The following B3GNT6 variants were observed in gnomAD, a reference collection of about 807,000 sequenced individuals.
B3GNT6 encodes UDP-GlcNAc:betaGal beta-1,3-N-acetylglucosaminyltransferase 6, also known as acetylgalactosaminyl-O-glycosyl-glycoprotein beta-1,3-N-acetylglucosaminyltransferase.
For missense variants in B3GNT6, 624 were observed against 568.6 expected, an observed-to-expected ratio of 1.10 and a Z score of -0.99; for synonymous variants, 300 against 270.0, an observed-to-expected ratio of 1.11 and a Z score of -1.09.
rs368050760 is a variant in B3GNT6 at position 77,040,472 on chromosome 11, C to A, written c.921C>A (p.Ile307=). Reference sequence around the variant, plus strand: ...CCCGCCACACCCCGCTCTTCCCCATCGACGACGCCTACATGGGCATGTGTC... The same window carrying A: ...CCCGCCACACCCCGCTCTTCCCCATAGACGACGCCTACATGGGCATGTGTC... ...AAARHTPLFP[I]DDAYMGMCLE... Residue 307 remains isoleucine (I), a synonymous_variant, in exon 2 of 2, where the codon ATC becomes ATA. Coordinates refer to ENST00000622824, the MANE Select transcript of B3GNT6 (RefSeq NM_138706.5). 6.5e-6 allele frequency: 10 copies of A among 1,537,112 alleles called. No homozygotes were observed. Among genetic ancestry groups the A allele is most frequent in the East Asian group, 4.9e-5 (2 of 40,896 alleles).
intron 1 of B3GNT6, among the ~76,000 whole-genome samples, chr11:77,038,012 ATATGGGAGG>A (rs1949648357): frequency 6.0e-4 from 1 of 1,660 alleles, no homozygotes; most frequent in Non-Finnish European, 1.1e-3. Context: ...GAGGAGGGGG[ATATGGGAGG>A]AGGGGGAGGA....
At chr11:77,038,248 G>A (rs921015616) in intron 1 of B3GNT6, among the ~76,000 whole-genome samples, 3 of 150,916 alleles carry the variant, frequency 2.0e-5, no homozygotes, top group Non-Finnish European at 4.4e-5. Flanking sequence ...AGGCAGGAGA[G>A]CGTAGAGTCT....
chr11:77,038,659 T>C (rs1949658881), intron 1 of B3GNT6, among the ~76,000 whole-genome samples: 1 of 151,910 alleles, frequency 6.6e-6, no homozygotes, highest in South Asian at 2.1e-4. Flanking sequence ...ACGGGAAAGG[T>C]TGTTCTGACC....
chr11:77,040,148 C>G lies in B3GNT6; in HGVS notation c.597C>G (p.Leu199=), dbSNP rs552467671. The G allele has an allele frequency of 6.9e-5, 110 of 1,599,330 alleles. 1 individual carries two copies. The East Asian group carries it at 2.0e-3, about 29-fold the overall frequency. Residue 199 remains leucine (L), a synonymous_variant, in exon 2 of 2, where the codon CTC becomes CTG. Coordinates refer to ENST00000622824, the MANE Select transcript of B3GNT6 (RefSeq NM_138706.5). The part of the protein sequence containing the change: ...AFADTFLNLT[L]KHLHLLDWLA... ...CGGACACCTTCCTCAACCTCACGCT[C>G]AAGCACCTGCACTTGCTCGACTGGC...
Position 77,039,976 on chromosome 11 carries a change from A to C in B3GNT6, c.425A>C (p.Gln142Pro). The change falls in exon 2 of 2, where the codon CAA (glutamine) becomes CCA (proline). Residue 142 changes from glutamine to proline, a missense_variant. Physicochemically the swap from Gln to Pro is moderately conservative, Grantham distance 76. Transcript: ENST00000622824. ...RRELIRRTWGQERSYGGRPVR... is the reference protein window; with the variant it reads ...RRELIRRTWGPERSYGGRPVR... ...GAGCTCATCCGGCGCACGTGGGGGC[A>C]AGAGCGCAGCTACGGCGGGCGGCCA... 1.9e-6 allele frequency: 3 copies of C among 1,589,746 alleles called. No individual in the cohort carries two copies. The highest frequency in any genetic ancestry group is 2.6e-6 in the Non-Finnish European group (3 of 1,175,786).
At chr11:77,036,395 C>T (rs186126907) in intron 1 of B3GNT6, among the ~76,000 whole-genome samples, 1 of 152,328 alleles carries the variant, frequency 6.6e-6, no homozygotes. Context: ...TAGTTCACTG[C>T]TCCCATTCTT....
At chr11:77,038,403 A>G (rs1331930883) in intron 1 of B3GNT6, among the ~76,000 whole-genome samples, 4 of 149,082 alleles carry the variant, frequency 2.7e-5, no homozygotes, top group African/African-American at 9.9e-5. Flanking sequence ...CTACAGAAAA[A>G]AAAAAAAAAA....
At chr11:77,038,319 C>T (rs376350435) in intron 1 of B3GNT6, among the ~76,000 whole-genome samples, 6 of 145,650 alleles carry the variant, frequency 4.1e-5, no homozygotes, top group Admixed American at 1.4e-4. Flanking sequence ...CAGCACTTTT[C>T]GGGGCTGAGG....
At position 77,040,873 on chromosome 11, in the gene B3GNT6, T is replaced by C; in HGVS notation, c.*167T>C. The C allele has an allele frequency of 8.6e-7, 1 of 1,164,814 alleles. No individual in the cohort carries two copies. Among genetic ancestry groups the C allele is most frequent in the African/African-American group, 1.6e-5 (1 of 62,316 alleles). The allele number at this position is 1,164,814 out of a possible 1,614,324, so 72.2% of individuals were successfully genotyped here. The stretch of plus-strand genomic sequence containing the variant: ...GTGTGGAAAATGCCTACATCCTGGC[T>C]CCATCTCCCGAAGTTTCGATTTGAT... On this transcript the variant is annotated 3_prime_UTR_variant, in exon 2 of 2. Coordinates refer to ENST00000622824, the MANE Select transcript of B3GNT6 (RefSeq NM_138706.5).
At position 77,039,577 on chromosome 11, in the gene B3GNT6, T is replaced by A; in HGVS notation, c.26T>A (p.Leu9Gln). 6.3e-7 allele frequency: 1 copy of A among 1,590,008 alleles called. No individual in the cohort carries two copies. Among genetic ancestry groups the A allele is most frequent in the Non-Finnish European group, 8.6e-7 (1 of 1,168,592 alleles). Reference sequence around the variant, plus strand: ...ATGGCTTTTCCCTGCCGCAGGTCCCTGACTGCCAAGACTCTGGCCTGCCTC... The same window carrying A: ...ATGGCTTTTCCCTGCCGCAGGTCCCAGACTGCCAAGACTCTGGCCTGCCTC... Reference protein sequence around the residue: MAFPCRRSLTAKTLACLLV... With the variant: MAFPCRRSQTAKTLACLLV... The change falls in exon 2 of 2, where the codon CTG becomes CAG. Residue 9 changes from leucine to glutamine, a missense_variant. Transcript: ENST00000622824.
At position 77,040,781 on chromosome 11, in the gene B3GNT6, C is replaced by A; in HGVS notation, c.*75C>A. On this transcript the variant is annotated 3_prime_UTR_variant, in exon 2 of 2. Transcript: ENST00000622824. ...GAAGGCAGCTTTCCCGCTCTGGGTA[C>A]CTTACGTCCTGCCCAGCTCTGTGCA... 1 of 1,468,728 alleles carries A rather than the reference C, an allele frequency of 6.8e-7. No homozygotes were observed. Among genetic ancestry groups the A allele is most frequent in the East Asian group, 2.4e-5 (1 of 41,454 alleles). The allele number at this position is 1,468,728 out of a possible 1,614,324, so 91.0% of individuals were successfully genotyped here. A position where few individuals can be genotyped will look rare whatever the true frequency, so the allele number is the denominator to read the frequency against.
rs1555027621 is a variant in B3GNT6 at position 77,040,162 on chromosome 11, T to A, written c.611T>A (p.Leu204Ter). ...FLNLTLKHLH[L>*]LDWLAARCPH... Reference sequence around the variant, plus strand: ...AACCTCACGCTCAAGCACCTGCACTTGCTCGACTGGCTGGCTGCACGCTGC... The same window carrying A: ...AACCTCACGCTCAAGCACCTGCACTAGCTCGACTGGCTGGCTGCACGCTGC... Residue 204 changes from leucine to a stop codon, truncating the protein, a stop_gained, in exon 2 of 2, where the codon TTG (leucine) becomes TAG (stop). Coordinates refer to ENST00000622824, the MANE Select transcript of B3GNT6 (RefSeq NM_138706.5). LOFTEE classifies it low-confidence loss of function (END_TRUNC). 6.3e-7 allele frequency: 1 copy of A among 1,599,374 alleles called. No individual in the cohort carries two copies. Among genetic ancestry groups the A allele is most frequent in the African/African-American group, 1.3e-5 (1 of 74,872 alleles).
Position 77,039,566 on chromosome 11 carries a change from C to A in B3GNT6, c.15C>A (p.Cys5Ter), listed in dbSNP as rs781936557. The change falls in exon 2 of 2, where the codon TGC becomes TGA. Residue 5 changes from cysteine to a stop codon, truncating the protein, a stop_gained. Transcript: ENST00000622824. LOFTEE classifies it low-confidence loss of function (END_TRUNC). ...TTCCCCCACAGATGGCTTTTCCCTGCCGCAGGTCCCTGACTGCCAAGACTC... is the reference window on the plus strand; with the variant it reads ...TTCCCCCACAGATGGCTTTTCCCTGACGCAGGTCCCTGACTGCCAAGACTC... MAFP[C>*]RRSLTAKTLA... 3.2e-6 allele frequency: 5 copies of A among 1,579,830 alleles called. No individual in the cohort carries two copies. Among genetic ancestry groups the A allele is most frequent in the South Asian group, 1.2e-5 (1 of 86,054 alleles).
rs376792782 is a variant in B3GNT6, at chr11:77,039,932, T to A, written c.381T>A (p.Pro127=). The part of the protein sequence containing the change: ...VFLLLAVKSA[P]EHYERRELIR... ...TGCTCCTGGCGGTGAAGTCGGCGCCTGAGCACTACGAGCGACGCGAGCTCA... is the reference window on the plus strand; with the variant it reads ...TGCTCCTGGCGGTGAAGTCGGCGCCAGAGCACTACGAGCGACGCGAGCTCA... The change falls in exon 2 of 2, where the codon CCT becomes CCA. Residue 127 remains proline (P), a synonymous_variant. Transcript: ENST00000622824. 1,742 of 1,592,980 alleles carry A rather than the reference T, an allele frequency of 1.1e-3. 2 individuals are homozygous for A. Among genetic ancestry groups the A allele is most frequent in the Non-Finnish European group, 1.4e-3 (1,597 of 1,177,054 alleles).
chr11:77,040,411 T>C lies in B3GNT6; in HGVS notation c.860T>C (p.Leu287Pro). ...TACTGCAGCGGCGGCGGCTTCCTCC[T>C]GTCCGGCCCCACGGCCCGGGCCCTG... ...PVYCSGGGFLLSGPTARALRA... is the reference protein window; with the variant it reads ...PVYCSGGGFLPSGPTARALRA... Residue 287 changes from leucine (L) to proline (P), a missense_variant, in exon 2 of 2, where the codon CTG (leucine) becomes CCG (proline). Leu to Pro is a moderately conservative substitution (Grantham distance 98). Transcript: ENST00000622824. The C allele has an allele frequency of 1.3e-6, 2 of 1,529,736 alleles. No homozygotes were observed. Among genetic ancestry groups the C allele is most frequent in the South Asian group, 1.2e-5 (1 of 83,294 alleles). The allele number at this position is 1,529,736 out of a possible 1,614,324, so 94.8% of individuals were successfully genotyped here.
chr11:77,037,849 A>G (rs12292060), intron 1 of B3GNT6, among the ~76,000 whole-genome samples: 104,846 of 139,066 alleles, frequency 0.75, 40,218 homozygotes, highest in African/African-American at 0.91. Flanking sequence ...GGAAGTGCGG[A>G]CTGCAGTGAG....
Position 77,040,511 on chromosome 11 carries a change from C to T in B3GNT6, c.960C>T (p.Gly320=). Residue 320 remains glycine (G), a synonymous_variant, in exon 2 of 2, where the codon GGC becomes GGT. Coordinates refer to ENST00000622824, the MANE Select transcript of B3GNT6 (RefSeq NM_138706.5). ...AYMGMCLERA[G]LAPSGHEGIR... is the part of the protein sequence containing the mutation. ...TGGGCATGTGTCTGGAGCGCGCCGGCCTGGCGCCCAGCGGCCACGAGGGCA... is the reference window on the plus strand; with the variant it reads ...TGGGCATGTGTCTGGAGCGCGCCGGTCTGGCGCCCAGCGGCCACGAGGGCA... The T allele has an allele frequency of 6.4e-7, 1 of 1,550,808 alleles. No homozygotes were observed. Among genetic ancestry groups the T allele is most frequent in the Admixed American group, 1.9e-5 (1 of 52,756 alleles).
chr11:77,038,042 A>AGGGGGGGGAGGAGGGGGGGGAGGAG (rs1205329273), intron 1 of B3GNT6, among the ~76,000 whole-genome samples: 1 of 2,706 alleles, frequency 3.7e-4, no homozygotes, highest in African/African-American at 1.5e-3. Context: ...GAGGGATAGG[A>AGGGGGGGGAGGAGGGGGGGGAGGAG]TGGGAGGGGA....
intron 1 of B3GNT6, among the ~76,000 whole-genome samples, chr11:77,036,786 C>T (rs1949635888): frequency 6.6e-6 from 1 of 152,202 alleles, no homozygotes; most frequent in Admixed American, 6.5e-5. Flanking sequence ...ACCTCCCACC[C>T]TATGCAGGGT....
Sources: gnomAD v4.1 joint callset for allele counts (sites outside exome capture counted in the v4.1 genomes callset) on GRCh38, gnomAD v4.1.1 for gene constraint, MANE v1.5 for transcripts, NCBI Gene and HGNC (gene_info 2026-07-23, HGNC 2026-07-21) for gene names.